TMEM178B: variants seen among roughly 807,000 people sequenced by gnomAD.
TMEM178B encodes the protein transmembrane protein 178B.
TMEM178B carries 5 observed loss-of-function variants against 31.0 expected under a neutral mutation model. That is an observed-to-expected ratio of 0.16 (90% confidence interval 0.08 to 0.34). TMEM178B has a LOEUF of 0.34. Among genes scored for constraint, TMEM178B ranks in the 10% least tolerant of loss-of-function variants. The pLI, the probability that TMEM178B is intolerant of heterozygous loss-of-function variation, is 1.00. For missense variants in TMEM178B, 275 were observed against 400.3 expected (o/e 0.69, Z 2.67); for synonymous variants, 164 against 164.0 (o/e 1.00, Z 0.00).
chr7:141,403,241 G>C (rs1800818187), intron 2 of TMEM178B, among the ~76,000 whole-genome samples: 1 of 152,204 alleles, frequency 6.6e-6, no homozygotes, highest in Non-Finnish European at 1.5e-5. Flanking sequence ...GAGTGAGTGA[G>C]GGTTTGGTAT....
At chr7:141,123,239 A>G (rs1795437739) in intron 1 of TMEM178B, among the ~76,000 whole-genome samples, 1 of 152,232 alleles carries the variant, frequency 6.6e-6, no homozygotes, top group Non-Finnish European at 1.5e-5. Flanking sequence ...TGGGAAGACA[A>G]CACTGAGCTT....
intron 1 of TMEM178B, among the ~76,000 whole-genome samples, chr7:141,130,755 TA>T (rs1402858887): frequency 2.0e-5 from 3 of 152,196 alleles, no homozygotes; most frequent in African/African-American, 7.2e-5. Flanking sequence ...AAGCTTACTA[TA>T]TTCCAGGAAT....
chr7:141,301,214 C>T (rs186762514), intron 2 of TMEM178B, among the ~76,000 whole-genome samples: 2 of 152,164 alleles, frequency 1.3e-5, no homozygotes, highest in Non-Finnish European at 2.9e-5. Flanking sequence ...ATTAGCATTT[C>T]CTTTTATGCC....
chr7:141,323,696 G>C (rs570037332), intron 2 of TMEM178B, among the ~76,000 whole-genome samples: 73 of 152,260 alleles, frequency 4.8e-4, no homozygotes, highest in African/African-American at 1.7e-3. Context: ...AGGCACTATA[G>C]CAGTGGTTCT....
In TMEM178B at chr7:141,423,805, GTT is replaced by G. The variant is rs5888005; in HGVS notation, c.497-13783_497-13782del. The stretch of plus-strand genomic sequence containing the variant: ...AGAAGATTTCTATAGTGACATTTGT[GTT>G]TTTTTTTTTTTTTTTTTTTGAAATG... On this transcript the variant is annotated intron_variant, in intron 2 of 3. Coordinates refer to ENST00000565468, the MANE Select transcript of TMEM178B (RefSeq NM_001195278.2). Among the ~76,000 whole-genome samples, 403 of 108,804 alleles carry G rather than the reference GTT, an allele frequency of 3.7e-3. 1 individual carries two copies. The highest frequency in any genetic ancestry group is 0.026 in the South Asian group (79 of 3,060). The allele number at this position is 108,804 out of a possible 152,430, so 71.4% of individuals were successfully genotyped here.
At chr7:141,173,967 T>A (rs1016782588) in intron 1 of TMEM178B, among the ~76,000 whole-genome samples, 5 of 152,184 alleles carry the variant, frequency 3.3e-5, no homozygotes, top group South Asian at 2.1e-4. Context: ...AAACATTTTT[T>A]AAAAATTATA....
chr7:141,496,496 C>T, the TMEM178B span, among the ~76,000 whole-genome samples: 1 of 151,308 alleles, frequency 6.6e-6, no homozygotes. Context: ...CGGTGAAACC[C>T]CGTCTCTACT....
chr7:141,425,208 A>G (rs1366777841), intron 2 of TMEM178B, among the ~76,000 whole-genome samples: 2 of 152,208 alleles, frequency 1.3e-5, no homozygotes, highest in African/African-American at 2.4e-5. Flanking sequence ...ATCCTTTGCC[A>G]TCAGCCAAAT....
chr7:141,182,523 C>T (rs577602244), intron 1 of TMEM178B, among the ~76,000 whole-genome samples: 1 of 152,256 alleles, frequency 6.6e-6, no homozygotes, highest in African/African-American at 2.4e-5. Flanking sequence ...GGGCACAGTC[C>T]ATCTGGAATC....
intron 1 of TMEM178B, among the ~76,000 whole-genome samples, chr7:141,183,080 A>G (rs1225250415): frequency 6.6e-6 from 1 of 152,230 alleles, no homozygotes; most frequent in Admixed American, 6.5e-5. Flanking sequence ...TGCTTGAATG[A>G]ATGAAGTGCA....
intron 2 of TMEM178B, among the ~76,000 whole-genome samples, chr7:141,291,314 C>G (rs542032869): frequency 2.0e-5 from 3 of 152,046 alleles, no homozygotes; most frequent in Non-Finnish European, 4.4e-5. Flanking sequence ...CTGACATCAC[C>G]GTGTATCAGA....
At chr7:141,254,993 T>A (rs535580634) in intron 2 of TMEM178B, among the ~76,000 whole-genome samples, 1 of 152,346 alleles carries the variant, frequency 6.6e-6, no homozygotes, top group Admixed American at 6.5e-5. Flanking sequence ...TCACTGGTTC[T>A]CAGTAGAGGT....
At chr7:141,207,794 C>T (rs762361372) in intron 1 of TMEM178B, among the ~76,000 whole-genome samples, 9 of 152,126 alleles carry the variant, frequency 5.9e-5, no homozygotes, top group South Asian at 2.1e-4. Context: ...TGGTGGTTCA[C>T]GCCTGTACTC....
At chr7:141,371,559 G>A (rs1431522567) in intron 2 of TMEM178B, among the ~76,000 whole-genome samples, 1 of 152,276 alleles carries the variant, frequency 6.6e-6, no homozygotes, top group East Asian at 1.9e-4. Flanking sequence ...GAATAAGTGG[G>A]GCTAGAAGGA....
At position 141,300,593 on chromosome 7, in the gene TMEM178B, C is replaced by A. The variant is rs558524710; in HGVS notation, c.496+87889C>A. The stretch of plus-strand genomic sequence containing the variant: ...TCCCTTCTTCTGCTTCTTCTCCTTC[C>A]ACCTCTTAGTTTCTCGGATCCTCCC... On this transcript the variant is annotated intron_variant, in intron 2 of 3. Coordinates refer to ENST00000565468, the MANE Select transcript of TMEM178B (RefSeq NM_001195278.2). Among the ~76,000 whole-genome samples, 19 of 152,252 alleles carry A rather than the reference C, an allele frequency of 1.2e-4. 1 individual carries two copies. In the South Asian group the frequency reaches 2.3e-3, roughly 18 times the overall value.
intron 2 of TMEM178B, among the ~76,000 whole-genome samples, chr7:141,384,789 G>A (rs1800400333): frequency 6.6e-6 from 1 of 152,030 alleles, no homozygotes; most frequent in Admixed American, 6.6e-5. Flanking sequence ...AACATGTGGA[G>A]GAGACACTTT....
chr7:141,437,016 A>C (rs1385349921), intron 2 of TMEM178B, among the ~76,000 whole-genome samples: 1 of 152,126 alleles, frequency 6.6e-6, no homozygotes, highest in Non-Finnish European at 1.5e-5. Context: ...CCCAGGAGCC[A>C]GCTTAGAGTT....
chr7:141,397,126 T>C (rs914248529), intron 2 of TMEM178B, among the ~76,000 whole-genome samples: 2 of 152,186 alleles, frequency 1.3e-5, no homozygotes, highest in Non-Finnish European at 2.9e-5. Context: ...GCACAGAAGA[T>C]GAACTTCAGT....
At chr7:141,386,921 A>C (rs1800441920) in intron 2 of TMEM178B, among the ~76,000 whole-genome samples, 3 of 152,158 alleles carry the variant, frequency 2.0e-5, no homozygotes, top group Non-Finnish European at 1.5e-5. Flanking sequence ...AGCTTCAATA[A>C]TCCCCAGTGC....
Sources: allele counts gnomAD v4.1 joint callset (sites outside exome capture counted in the v4.1 genomes callset), GRCh38; gene constraint gnomAD v4.1.1; transcripts MANE v1.5; gene names NCBI Gene and HGNC (gene_info 2026-07-23, HGNC 2026-07-21).